The following ZNF26 variants were observed in gnomAD, a reference collection of about 807,000 sequenced individuals.
The protein encoded by ZNF26 is zinc finger protein 26, also known as epididymis luminal protein 179.
ZNF26 carries 32 observed loss-of-function variants against 54.9 expected under a neutral mutation model. That is an observed-to-expected ratio of 0.58 (90% CI 0.44 to 0.78). ZNF26 has a LOEUF of 0.78. Among genes scored for constraint, ZNF26 ranks in the 30% least tolerant of loss-of-function variants. The probability of loss-of-function intolerance (pLI) is 0.00; values close to 1 mark genes in which losing one functional copy is unlikely to be tolerated. For synonymous variants in ZNF26, 221 were observed against 209.2 expected, an observed-to-expected ratio of 1.06 and a Z score of -0.49; for missense variants, 524 against 634.0, an observed-to-expected ratio of 0.83 and a Z score of 1.86.
At chr12:133,005,818 T>C (rs7971178) in intron 1 of ZNF26, 2,784 of 152,606 alleles carry the variant, frequency 0.018, 88 homozygotes, top group African/African-American at 0.063. Flanking sequence ...GCACCATGCT[T>C]ATGGACTTCC....
chr12:133,008,562 GCCAGGAGATGGAGA>G (rs1394512465), intron 3 of ZNF26, among the ~76,000 whole-genome samples: 40 of 151,966 alleles, frequency 2.6e-4, no homozygotes, highest in Admixed American at 2.6e-3. Flanking sequence ...GGATCACAAG[GCCAGGAGATGGAGA>G]CCATCCTGAC....
chr12:133,003,551 C>A (rs918825668), intron 1 of ZNF26, among the ~76,000 whole-genome samples: 6 of 152,180 alleles, frequency 3.9e-5, no homozygotes, highest in Non-Finnish European at 7.4e-5. Context: ...CCGCCCCTGG[C>A]CTCCCTTTTC....
Position 133,010,178 on chromosome 12 carries a change from A to G in ZNF26, c.299A>G (p.Glu100Gly). The G allele has an allele frequency of 6.2e-7, 1 of 1,608,824 alleles. No individual in the cohort carries two copies. Among genetic ancestry groups the G allele is most frequent in the Admixed American group, 1.7e-5 (1 of 58,634 alleles). Residue 100 changes from glutamate to glycine, a missense_variant, in exon 4 of 4, where the codon GAG (glutamate) becomes GGG (glycine). Physicochemically the swap from Glu to Gly is moderately conservative, Grantham distance 98 (BLOSUM62 -2). Transcript: ENST00000328654. ...EWYQNNQDELESIERSYACSV... is the reference protein window; with the variant it reads ...EWYQNNQDELGSIERSYACSV... The stretch of plus-strand genomic sequence containing the variant: ...TACCAGAACAATCAAGATGAGCTTG[A>G]GAGTATTGAAAGAAGCTATGCTTGT...
Position 133,020,389 on chromosome 12 carries a change from T to C in ZNF26, c.*8908T>C, listed in dbSNP as rs10781673. 0.93 allele frequency: 142,079 copies of C among 151,988 alleles called. 66,560 individuals carry two copies. Among genetic ancestry groups the C allele is most frequent in the East Asian group, 1 (5,181 of 5,188 alleles). 9.4% of individuals were successfully genotyped at this position (151,988 alleles called of 1,614,324 possible). ...GGGGGAAGGATGAAGGGGAAAAATA[T>C]GAATGTATCTATTATTGCTGAACTG... On this transcript the variant is annotated 3_prime_UTR_variant, in exon 4 of 4. Coordinates refer to ENST00000328654, the MANE Select transcript of ZNF26 (RefSeq NM_019591.4).
chr12:133,017,421 G>T lies in ZNF26; in HGVS notation c.*5940G>T, dbSNP rs1349028867. 6.6e-6 allele frequency: 1 copy of T among 152,154 alleles called. No individual in the cohort carries two copies. Among genetic ancestry groups the T allele is most frequent in the Non-Finnish European group, 1.5e-5 (1 of 68,056 alleles). The allele number at this position is 152,154 out of a possible 1,614,324, so 9.4% of individuals were successfully genotyped here. Reference sequence around the variant, plus strand: ...AAGTACCAGCTTAGTGGCAGTACTTGACAAGCACAGGGCACCGTCCTCCAA... The same window carrying T: ...AAGTACCAGCTTAGTGGCAGTACTTTACAAGCACAGGGCACCGTCCTCCAA... On this transcript the variant is annotated 3_prime_UTR_variant, in exon 4 of 4. Coordinates refer to ENST00000328654, the MANE Select transcript of ZNF26 (RefSeq NM_019591.4).
chr12:133,002,364 C>T (rs1267611096), intron 1 of ZNF26, among the ~76,000 whole-genome samples: 4 of 152,172 alleles, frequency 2.6e-5, no homozygotes, highest in Non-Finnish European at 4.4e-5. Context: ...TGCCTTCTTC[C>T]ACTGGACTAA....
At chr12:132,992,152 A>G (rs1952978613) in intron 1 of ZNF26, among the ~76,000 whole-genome samples, 1 of 152,188 alleles carries the variant, frequency 6.6e-6, no homozygotes, top group Admixed American at 6.5e-5. Context: ...TATCTCAAAA[A>G]AAAAAAAGTG....
rs1953584724 is a variant in ZNF26, at chr12:133,017,794, G to C, written c.*6313G>C. On this transcript the variant is annotated 3_prime_UTR_variant, in exon 4 of 4. Coordinates refer to ENST00000328654, the MANE Select transcript of ZNF26 (RefSeq NM_019591.4). ...GGAGGCCGAGGTGGGCGGATCACAA[G>C]GTCTGGAGGTCAAGACCATCCTCAC... 6.6e-6 allele frequency: 1 copy of C among 152,246 alleles called. No individual in the cohort carries two copies. Among genetic ancestry groups the C allele is most frequent in the Non-Finnish European group, 1.5e-5 (1 of 68,072 alleles). The allele number at this position is 152,246 out of a possible 1,614,324, so 9.4% of individuals were successfully genotyped here.
At chr12:132,992,287 G>T (rs1455134604) in intron 1 of ZNF26, among the ~76,000 whole-genome samples, 1 of 151,240 alleles carries the variant, frequency 6.6e-6, no homozygotes, top group African/African-American at 2.4e-5. Context: ...GGATAATTTT[G>T]CAGGGTACAG....
chr12:133,002,116 C>T (rs1953230579), intron 1 of ZNF26, among the ~76,000 whole-genome samples: 1 of 152,184 alleles, frequency 6.6e-6, no homozygotes, highest in Admixed American at 6.6e-5. Context: ...TTCCGTCATT[C>T]ATGGACCAGT....
chr12:132,993,409 A>G (rs1159496785), intron 1 of ZNF26, among the ~76,000 whole-genome samples: 3 of 151,498 alleles, frequency 2.0e-5, no homozygotes, highest in African/African-American at 7.3e-5. Context: ...TTTGTCTGAT[A>G]CCTTCAACAT....
chr12:132,988,244 G>GT (rs34694811), intron 1 of ZNF26, among the ~76,000 whole-genome samples: 30,017 of 148,028 alleles, frequency 0.2, 3,796 homozygotes, highest in Non-Finnish European at 0.29. Flanking sequence ...TAAATCTTTT[G>GT]TTTTTTTTTC....
At chr12:132,991,652 A>AT (rs1430494311) in intron 1 of ZNF26, among the ~76,000 whole-genome samples, 2 of 150,080 alleles carry the variant, frequency 1.3e-5, no homozygotes, top group Non-Finnish European at 3.0e-5. Context: ...AAACCTAAAA[A>AT]AAAAACCAGG....
intron 1 of ZNF26, among the ~76,000 whole-genome samples, chr12:132,996,132 T>G (rs1953076308): frequency 1.3e-5 from 2 of 152,196 alleles, no homozygotes; most frequent in Non-Finnish European, 1.5e-5. Context: ...ACTTTGTTTC[T>G]GGAGCACCTT....
chr12:132,987,006 C>T, intron 1 of ZNF26, 133 bp downstream of exon 1: 2 of 1,017,926 alleles, frequency 2.0e-6, no homozygotes, highest in Admixed American at 2.4e-5. Context: ...GACTACCCTC[C>T]CCACCAAACC....
chr12:133,009,276 C>T (rs1424697178), intron 3 of ZNF26, among the ~76,000 whole-genome samples: 1 of 152,144 alleles, frequency 6.6e-6, no homozygotes, highest in Admixed American at 6.5e-5. Context: ...CTTTTAAATG[C>T]AGAAGATTGA....
chr12:133,001,641 G>A lies in ZNF26; in HGVS notation c.34-5401G>A. 1 of 1,288,940 alleles carries A rather than the reference G, an allele frequency of 7.8e-7. No homozygotes were observed. Among genetic ancestry groups the A allele is most frequent in the Non-Finnish European group, 1.0e-6 (1 of 988,498 alleles). The allele number at this position is 1,288,940 out of a possible 1,614,324, so 79.8% of individuals were successfully genotyped here. On this transcript the variant is annotated intron_variant, in intron 1 of 3. Transcript: ENST00000328654. This position sits in a 1 kb window ranked among gnomAD's most constrained non-coding sequence, Gnocchi z 4.7. ...GGTCTCCCTCCCTGCAGGTAGTGCTGCTGAGGAGGAGCCTGCTAATGAGCT... is the reference window on the plus strand; with the variant it reads ...GGTCTCCCTCCCTGCAGGTAGTGCTACTGAGGAGGAGCCTGCTAATGAGCT...
chr12:133,007,683 A>T (rs1953360446), intron 3 of ZNF26, 151 bp downstream of exon 3: 1 of 556,224 alleles, frequency 1.8e-6, no homozygotes, highest in African/African-American at 1.9e-5. Flanking sequence ...AGCTCCTCAG[A>T]TAAGGACATC....
chr12:133,020,066 A>T lies in ZNF26; in HGVS notation c.*8585A>T, dbSNP rs1194938344. On this transcript the variant is annotated 3_prime_UTR_variant, in exon 4 of 4. Transcript: ENST00000328654. ...AGTTGAGATTGAACTGCTGCCCTCC[A>T]GCCTGGGCGACAGAGTAAAGCTCCA... is the stretch of plus-strand genomic sequence containing the variant. The T allele has an allele frequency of 6.6e-6, 1 of 151,368 alleles. No homozygotes were observed. Among genetic ancestry groups the T allele is most frequent in the Non-Finnish European group, 1.5e-5 (1 of 67,976 alleles). 9.4% of individuals were successfully genotyped at this position (151,368 alleles called of 1,614,324 possible).
Sources: allele counts gnomAD v4.1 joint callset (sites outside exome capture counted in the v4.1 genomes callset), GRCh38; gene constraint gnomAD v4.1.1; non-coding constraint Gnocchi (gnomAD v3.1); transcripts MANE v1.5; gene names NCBI Gene and HGNC (gene_info 2026-07-23, HGNC 2026-07-21).